The following CLPB variants were observed in gnomAD, a reference collection of about 807,000 sequenced individuals.
CLPB encodes ClpB family mitochondrial disaggregase, also known as mitochondrial disaggregase.
In CLPB, 40 loss-of-function variants were observed where a neutral mutation model predicts 78.4. That is an observed-to-expected ratio of 0.51 (90% CI 0.40 to 0.66). The LOEUF (loss-of-function observed/expected upper bound fraction) is 0.66. Ranked by LOEUF, CLPB falls within the 30% of genes least tolerant of loss-of-function variation. The pLI is 0.00. For missense variants in CLPB, 780 were observed against 886.9 expected (o/e 0.88, Z 1.53); for synonymous variants, 333 against 348.0 (o/e 0.96, Z 0.48).
At chr11:72,425,420 AGTT>A (rs1426700170) in intron 2 of CLPB, among the ~76,000 whole-genome samples, 1 of 152,160 alleles carries the variant, frequency 6.6e-6, no homozygotes, top group African/African-American at 2.4e-5. Flanking sequence ...CTGTGGGGTT[AGTT>A]ATTATCATCT....
intron 9 of CLPB, chr11:72,302,615 G>A (rs911753267): frequency 2.3e-6 from 1 of 439,214 alleles, no homozygotes; most frequent in Admixed American, 3.5e-5. Context: ...CTTTCAGGGA[G>A]GCCTCTCCTG....
intron 5 of CLPB, among the ~76,000 whole-genome samples, chr11:72,349,676 G>A (rs1298375424): frequency 6.6e-6 from 1 of 152,198 alleles, no homozygotes. Flanking sequence ...TCCTTTATCT[G>A]TGCATTCTGC....
intron 1 of CLPB, among the ~76,000 whole-genome samples, chr11:72,433,781 C>T (rs1291482602): frequency 6.6e-6 from 1 of 151,932 alleles, no homozygotes; most frequent in Non-Finnish European, 1.5e-5. Flanking sequence ...ATATGAGAAA[C>T]ATAAGGGGAC....
intron 6 of CLPB, among the ~76,000 whole-genome samples, chr11:72,320,179 GGGCCTCACATAAC>G (rs1162129417): frequency 6.6e-6 from 1 of 152,200 alleles, no homozygotes; most frequent in Non-Finnish European, 1.5e-5. Context: ...TTGGTCTGTG[GGGCCTCACATAAC>G]GTATCTTTTC....
chr11:72,417,890 T>C (rs909731212), intron 2 of CLPB, among the ~76,000 whole-genome samples: 11 of 152,140 alleles, frequency 7.2e-5, no homozygotes, highest in Non-Finnish European at 1.6e-4. Flanking sequence ...CCTTGGGAAT[T>C]CCGGGGGCCT....
intron 5 of CLPB, among the ~76,000 whole-genome samples, chr11:72,349,110 G>A (rs1221053781): frequency 2.0e-5 from 3 of 152,200 alleles, no homozygotes; most frequent in African/African-American, 7.2e-5. Context: ...CAGTGAGCAA[G>A]TATTCAGAAT....
At chr11:72,324,854 C>A (rs551369613) in intron 6 of CLPB, among the ~76,000 whole-genome samples, 1 of 152,336 alleles carries the variant, frequency 6.6e-6, no homozygotes, top group East Asian at 1.9e-4. Context: ...GGCTCTCAGC[C>A]TGGAATGCGG....
chr11:72,343,611 AG>A (rs748210846), intron 5 of CLPB, among the ~76,000 whole-genome samples: 1 of 152,172 alleles, frequency 6.6e-6, no homozygotes, highest in East Asian at 1.9e-4. Context: ...GTGGGAGGCT[AG>A]GAGGAAGGGG....
Position 72,299,848 on chromosome 11 carries a change from A to T in CLPB, c.1329+1955T>A, listed in dbSNP as rs552679227. On this transcript the variant is annotated intron_variant, in intron 11 of 15. Transcript: ENST00000538039. ...ACAACAGCTGCAGGAAGGAATTCCTATCAACCCCTAAAAGGCAGTCAGTGG... is the reference window on the plus strand; with the variant it reads ...ACAACAGCTGCAGGAAGGAATTCCTTTCAACCCCTAAAAGGCAGTCAGTGG... Among the ~76,000 whole-genome samples the T allele has an allele frequency of 1.2e-4, 19 of 152,298 alleles. 1 individual carries two copies. Among genetic ancestry groups the T allele is most frequent in the African/African-American group, 4.6e-4 (19 of 41,556 alleles).
chr11:72,417,159 G>A (rs1278402337), intron 2 of CLPB, among the ~76,000 whole-genome samples: 1 of 152,076 alleles, frequency 6.6e-6, no homozygotes, highest in South Asian at 2.1e-4. Flanking sequence ...GCTAAAAAGT[G>A]GAAACACAAA....
At chr11:72,400,222 G>A (rs1001140152) in intron 3 of CLPB, among the ~76,000 whole-genome samples, 3 of 150,648 alleles carry the variant, frequency 2.0e-5, no homozygotes, top group Admixed American at 2.0e-4. Context: ...AAACAGTAGG[G>A]GCCAAAAAAA....
intron 5 of CLPB, among the ~76,000 whole-genome samples, chr11:72,340,350 T>C (rs776444837): frequency 2.4e-4 from 37 of 152,226 alleles, no homozygotes; most frequent in Non-Finnish European, 7.3e-5. Flanking sequence ...TCTATTGCTC[T>C]ATTTAATCAT....
intron 4 of CLPB, among the ~76,000 whole-genome samples, chr11:72,373,462 TG>T (rs1294772666): frequency 2.6e-5 from 4 of 152,290 alleles, no homozygotes; most frequent in African/African-American, 9.6e-5. Flanking sequence ...GGAGTGGGCA[TG>T]GGTAGGGCTC....
In CLPB at chr11:72,329,716, A is replaced by G. The variant is rs1441561783; in HGVS notation, c.864T>C (p.Ser288=). The change falls in exon 6 of 16, where the codon TCT becomes TCC. Residue 288 remains serine, a synonymous_variant. Transcript: ENST00000538039. ...EGEVMKLLRT[S]EAKYQEKQRK... ...CTTCCCTGAGACTTACCTTGGCTTC[A>G]GAAGTCCTCAGAAGCTTCATCACTT... 1 of 1,612,416 alleles carries G rather than the reference A, an allele frequency of 6.2e-7. No homozygotes were observed. The highest frequency in any genetic ancestry group is 8.5e-7 in the Non-Finnish European group (1 of 1,178,486).
chr11:72,428,405 C>T (rs1033826263), intron 2 of CLPB, among the ~76,000 whole-genome samples: 1 of 152,214 alleles, frequency 6.6e-6, no homozygotes, highest in Non-Finnish European at 1.5e-5. Context: ...GTTCAAAACT[C>T]CTCACCCTGG....
chr11:72,388,452 C>T (rs966809760), intron 3 of CLPB, among the ~76,000 whole-genome samples: 5 of 152,012 alleles, frequency 3.3e-5, no homozygotes, highest in African/African-American at 9.7e-5. Flanking sequence ...GGGGTTTCAC[C>T]GTGTTAGCCA....
chr11:72,297,094 C>CAA (rs140557799), intron 11 of CLPB, among the ~76,000 whole-genome samples: 1,614 of 152,250 alleles, frequency 0.011, 27 homozygotes, highest in African/African-American at 0.037. Context: ...TGGAGAGATG[C>CAA]AACTGGGACA....
At chr11:72,341,577 G>A (rs889544682) in intron 5 of CLPB, among the ~76,000 whole-genome samples, 2 of 152,222 alleles carry the variant, frequency 1.3e-5, no homozygotes, top group Non-Finnish European at 2.9e-5. Flanking sequence ...GAGAAGTGGG[G>A]AAAGGATATT....
intron 2 of CLPB, among the ~76,000 whole-genome samples, chr11:72,429,751 A>T (rs189429605): frequency 2.0e-5 from 3 of 152,364 alleles, no homozygotes; most frequent in Admixed American, 6.5e-5. Context: ...CTTGCCAAAT[A>T]ATAAGCCTCA....
Sources: gnomAD v4.1 joint callset for allele counts (sites outside exome capture counted in the v4.1 genomes callset) on GRCh38, gnomAD v4.1.1 for gene constraint, MANE v1.5 for transcripts, NCBI Gene and HGNC (gene_info 2026-07-23, HGNC 2026-07-21) for gene names.